USP28: variants seen among roughly 807,000 people sequenced by gnomAD.
USP28 encodes ubiquitin specific peptidase 28, also known as ubiquitin carboxyl-terminal hydrolase 28.
USP28 carries 113 observed loss-of-function variants against 145.0 expected under a neutral mutation model. The observed-to-expected ratio is 0.78, with a 90% CI of 0.67 to 0.91. The LOEUF (loss-of-function observed/expected upper bound fraction) is 0.91. USP28 is among the 40% of genes least tolerant of loss of function. USP28 has a pLI of 0.00. For missense variants in USP28, 1,201 were observed against 1,289.6 expected, an observed-to-expected ratio of 0.93 and a Z score of 1.05; for synonymous variants, 447 against 450.9, an observed-to-expected ratio of 0.99 and a Z score of 0.11.
At chr11:113,843,626 ATGCCAT>A (rs1457384119) in intron 3 of USP28, among the ~76,000 whole-genome samples, 54 of 149,104 alleles carry the variant, frequency 3.6e-4, no homozygotes, top group Admixed American at 3.2e-3. Context: ...ACCCAACATC[ATGCCAT>A]TGCACTCCAG....
At chr11:113,849,714 GAAC>G (rs1946257829) in intron 3 of USP28, among the ~76,000 whole-genome samples, 2 of 152,128 alleles carry the variant, frequency 1.3e-5, no homozygotes, top group Admixed American at 6.5e-5. Context: ...ACCCTCTCAA[GAAC>G]AAAACGCCAA....
chr11:113,860,753 A>C (rs569821647), intron 1 of USP28, among the ~76,000 whole-genome samples: 148 of 148,116 alleles, frequency 1.0e-3, no homozygotes, highest in Non-Finnish European at 1.5e-5. Flanking sequence ...TGGGAGGCGG[A>C]GCTTGAAGTG....
exon 14 of USP28, chr11:113,815,341 A>G (rs1941574546): frequency 6.2e-7 from 1 of 1,614,066 alleles, no homozygotes; most frequent in Non-Finnish European, 8.5e-7. Context: ...AGGAGAAGAA[A>G]AGGTACTTTC....
At chr11:113,819,175 C>T (rs1181965755) in intron 12 of USP28, among the ~76,000 whole-genome samples, 8 of 151,114 alleles carry the variant, frequency 5.3e-5, no homozygotes, top group South Asian at 2.1e-4. Flanking sequence ...TGCAGCGGCA[C>T]GATCTCGGCT....
intron 13 of USP28, among the ~76,000 whole-genome samples, chr11:113,816,255 G>A (rs147564132): frequency 1.2e-3 from 176 of 152,150 alleles, no homozygotes; most frequent in African/African-American, 4.0e-3. Context: ...GGTGGCTCAC[G>A]CCTGTAATCC....
In USP28 at chr11:113,823,524, G is replaced by A. The variant is rs1942933220; in HGVS notation, c.1283+81C>T. ...ATATTCTAGTTAATATTTAAACGTT[G>A]AGTTAATTTTTAAAGAAAAACAAAT... On this transcript the variant is annotated intron_variant, in intron 12 of 24. Transcript: ENST00000003302. 3.7e-6 allele frequency: 4 copies of A among 1,091,398 alleles called. No homozygotes were observed. In the East Asian group the frequency reaches 1.0e-4, roughly 28 times the overall value. The allele number at this position is 1,091,398 out of a possible 1,614,324, so 67.6% of individuals were successfully genotyped here.
chr11:113,853,148 C>CA (rs1418300175), intron 2 of USP28, among the ~76,000 whole-genome samples: 1 of 151,726 alleles, frequency 6.6e-6, no homozygotes, highest in Non-Finnish European at 1.5e-5. Flanking sequence ...ACCAAAAATA[C>CA]AAAAACTAGC....
In USP28 at chr11:113,815,158, T is replaced by G. The variant is rs761279298; in HGVS notation, c.1672+16A>C. 6.2e-7 allele frequency: 1 copy of G among 1,608,340 alleles called. No individual in the cohort carries two copies. Among genetic ancestry groups the G allele is most frequent in the South Asian group, 1.1e-5 (1 of 90,334 alleles). On this transcript the variant is annotated intron_variant, in intron 14 of 24. Transcript: ENST00000003302. The stretch of plus-strand genomic sequence containing the variant: ...GAAAAAGCAAAGAGTAACTGACAAA[T>G]TTTAAAAGAGCCAACCTTGTATATC...
chr11:113,859,394 T>G (rs762612621), intron 1 of USP28: 1 of 152,088 alleles, frequency 6.6e-6, no homozygotes, highest in Non-Finnish European at 1.5e-5. Flanking sequence ...ATACAGAGAT[T>G]AGCATGGACC....
At chr11:113,816,678 A>G (rs2135518549) in intron 13 of USP28, among the ~76,000 whole-genome samples, 1 of 152,306 alleles carries the variant, frequency 6.6e-6, no homozygotes, top group East Asian at 1.9e-4. Flanking sequence ...TTACACACAT[A>G]CACCTCCCTG....
At chr11:113,830,902 A>G in exon 9 of USP28, 1 of 1,614,090 alleles carries the variant, frequency 6.2e-7, no homozygotes, top group African/African-American at 1.3e-5. Flanking sequence ...AGTACCATAG[A>G]ACAGCTGCAC....
intron 16 of USP28, among the ~76,000 whole-genome samples, chr11:113,811,583 G>A (rs1370228247): frequency 1.3e-5 from 2 of 152,124 alleles, no homozygotes; most frequent in Non-Finnish European, 2.9e-5. Flanking sequence ...AGCTGCTTGC[G>A]AGAGTGAGGC....
intron 9 of USP28, among the ~76,000 whole-genome samples, chr11:113,830,557 A>G (rs1002209842): frequency 6.6e-6 from 1 of 152,234 alleles, no homozygotes; most frequent in African/African-American, 2.4e-5. Context: ...TAAGTATTAT[A>G]TTAGAATAAG....
chr11:113,874,739 A>T (rs1008357852), intron 1 of USP28: 27 of 1,172,596 alleles, frequency 2.3e-5, no homozygotes, highest in African/African-American at 3.3e-5. Flanking sequence ...CTTTTCTCTC[A>T]AACCAGGGTT....
chr11:113,815,693 G>A (rs1941629954), intron 13 of USP28, among the ~76,000 whole-genome samples: 1 of 152,186 alleles, frequency 6.6e-6, no homozygotes, highest in South Asian at 2.1e-4. Context: ...CCAGTCTTTA[G>A]CTCATGTTCT....
At position 113,799,392 on chromosome 11, in the gene USP28, C is replaced by A. The variant is rs1485148040; in HGVS notation, c.3082G>T (p.Glu1028Ter). 6.2e-7 allele frequency: 1 copy of A among 1,613,764 alleles called. No individual in the cohort carries two copies. Among genetic ancestry groups the A allele is most frequent in the African/African-American group, 1.3e-5 (1 of 75,024 alleles). The stretch of plus-strand genomic sequence containing the variant: ...GGATCTAGAAGTCTGGGTAGAAACT[C>A]CCCTAGGCACAGCTGCAGATTTTCT... The change falls in exon 25 of 25, where the codon GAG becomes TAG. Residue 1028 changes from glutamate (E) to a stop codon, truncating the protein, a stop_gained. Transcript: ENST00000003302. LOFTEE classifies it high-confidence loss of function.
intron 23 of USP28, 44 bp from the exon 25 acceptor site, chr11:113,801,722 G>T: frequency 6.7e-7 from 1 of 1,483,494 alleles, no homozygotes; most frequent in Non-Finnish European, 9.2e-7. Flanking sequence ...GTCTGAAAAA[G>T]ATAAATATCT....
intron 3 of USP28, among the ~76,000 whole-genome samples, chr11:113,843,658 C>T (rs186690840): frequency 2.4e-4 from 30 of 123,590 alleles, no homozygotes; most frequent in African/African-American, 1.6e-4. Context: ...GCAACAAGAG[C>T]GAAACTCTAT....
At chr11:113,806,094 A>C (rs1221299036) in intron 19 of USP28, among the ~76,000 whole-genome samples, 1 of 107,988 alleles carries the variant, frequency 9.3e-6, no homozygotes, top group Non-Finnish European at 2.2e-5. Flanking sequence ...ATGCCCAGCT[A>C]ATTAAAAAAA....
Sources: allele counts gnomAD v4.1 joint callset (sites outside exome capture counted in the v4.1 genomes callset), GRCh38; gene constraint gnomAD v4.1.1; transcripts MANE v1.5; gene names NCBI Gene and HGNC (gene_info 2026-07-23, HGNC 2026-07-21).